GMCL1: variants seen among roughly 807,000 people sequenced by gnomAD.
GMCL1 encodes the protein germ cell-less 1, spermatogenesis associated, also known as germ cell-less protein-like 1.
GMCL1 carries 54 observed loss-of-function variants against 75.5 expected under a neutral mutation model. That is an observed-to-expected ratio of 0.71 (90% CI 0.57 to 0.90). The LOEUF (loss-of-function observed/expected upper bound fraction) is 0.90. Among genes scored for constraint, GMCL1 ranks in the 40% least tolerant of loss-of-function variants. The pLI, the probability that GMCL1 is intolerant of heterozygous loss-of-function variation, is 0.00. For synonymous variants in GMCL1, 210 were observed against 209.6 expected (o/e 1.00, Z -0.02); for missense variants, 537 against 622.7 (o/e 0.86, Z 1.47).
chr2:69,875,700 CT>C (rs201292367), intron 13 of GMCL1, among the ~76,000 whole-genome samples: 2,107 of 143,524 alleles, frequency 0.015, 133 homozygotes, highest in Admixed American at 0.11. Context: ...TTTTACATTT[CT>C]TTTTTTTTTT....
intron 1 of GMCL1, among the ~76,000 whole-genome samples, chr2:69,832,089 C>A (rs1188198732): frequency 2.0e-5 from 3 of 152,078 alleles, no homozygotes; most frequent in Non-Finnish European, 2.9e-5. Flanking sequence ...GTCGTGGTGG[C>A]AGCTGCCTGT....
At chr2:69,877,706 T>TGTG (rs1676162597) in intron 13 of GMCL1, among the ~76,000 whole-genome samples, 1 of 149,830 alleles carries the variant, frequency 6.7e-6, no homozygotes, top group African/African-American at 2.5e-5. Context: ...GATTGTGTGT[T>TGTG]TGTGTGTGTG....
At chr2:69,850,312 G>A (rs1675277118) in intron 8 of GMCL1, among the ~76,000 whole-genome samples, 1 of 152,122 alleles carries the variant, frequency 6.6e-6, no homozygotes, top group Admixed American at 6.5e-5. Flanking sequence ...CTGTGCAAAG[G>A]AGGGCATGCA....
intron 5 of GMCL1, 81 bp downstream of exon 5, chr2:69,843,342 A>G (rs1675040306): frequency 1.5e-6 from 1 of 677,212 alleles, no homozygotes; most frequent in East Asian, 2.8e-5. Flanking sequence ...ATGTATAGCT[A>G]TAAGAAAGAA....
At chr2:69,832,461 T>C (rs1324791835) in intron 1 of GMCL1, among the ~76,000 whole-genome samples, 1 of 152,118 alleles carries the variant, frequency 6.6e-6, no homozygotes, top group Non-Finnish European at 1.5e-5. Context: ...CACTACCACA[T>C]ACATACATAC....
rs1048066186 is a variant in GMCL1 at position 69,881,059 on chromosome 2, G to A, written c.*2055G>A. 2 of 152,102 alleles carry A rather than the reference G, an allele frequency of 1.3e-5. No individual in the cohort carries two copies. The highest frequency in any genetic ancestry group is 3.2e-3 in the Middle Eastern group (1 of 316). 9.4% of individuals were successfully genotyped at this position (152,102 alleles called of 1,614,324 possible). A position where few individuals can be genotyped will look rare whatever the true frequency, so the allele number is the denominator to read the frequency against. ...ATCTTGGAAGTAAAGATAATGTTTT[G>A]ATCATATTAATGAATAAAGTTAACT... On this transcript the variant is annotated 3_prime_UTR_variant, in exon 14 of 14. Coordinates refer to ENST00000282570, the MANE Select transcript of GMCL1 (RefSeq NM_178439.5).
intron 4 of GMCL1, 61 bp downstream of exon 4, chr2:69,841,100 ACTCC>A: frequency 8.8e-7 from 1 of 1,132,192 alleles, no homozygotes; most frequent in Non-Finnish European, 1.3e-6. Flanking sequence ...CAAAGTGTGT[ACTCC>A]AAAAACAAAA....
chr2:69,856,388 A>C (rs564982404), intron 9 of GMCL1, among the ~76,000 whole-genome samples: 1 of 152,326 alleles, frequency 6.6e-6, no homozygotes, highest in South Asian at 2.1e-4. Context: ...ATGTTTAATT[A>C]AAAGTTGAAT....
chr2:69,881,286 T>C lies in GMCL1; in HGVS notation c.*2282T>C, dbSNP rs1329778907. 1 of 152,230 alleles carries C rather than the reference T, an allele frequency of 6.6e-6. No homozygotes were observed. Among genetic ancestry groups the C allele is most frequent in the Admixed American group, 6.5e-5 (1 of 15,290 alleles). The allele number at this position is 152,230 out of a possible 1,614,324, so 9.4% of individuals were successfully genotyped here. On this transcript the variant is annotated 3_prime_UTR_variant, in exon 14 of 14. Transcript: ENST00000282570. ...CACTGGTAGTAAAGATGTGCTTTTG[T>C]TTTCTTACCAAATATTTTTATGTGT...
intron 9 of GMCL1, among the ~76,000 whole-genome samples, chr2:69,860,495 T>G (rs1223011881): frequency 6.6e-6 from 1 of 152,140 alleles, no homozygotes; most frequent in Non-Finnish European, 1.5e-5. Context: ...ATGTTTCATC[T>G]ACGAATTTAG....
chr2:69,835,923 A>T (rs1674807128), intron 1 of GMCL1, among the ~76,000 whole-genome samples: 1 of 152,150 alleles, frequency 6.6e-6, no homozygotes, highest in African/African-American at 2.4e-5. Context: ...TAAATTTCAG[A>T]ATGAGGATTG....
intron 5 of GMCL1, 61 bp downstream of exon 5, chr2:69,843,322 TCTTA>T: frequency 1.2e-6 from 1 of 844,086 alleles, no homozygotes; most frequent in Non-Finnish European, 2.0e-6. Context: ...TGCTTTAGTT[TCTTA>T]AGAGAATGTA....
At chr2:69,862,611 T>A (rs1005697684) in intron 10 of GMCL1, among the ~76,000 whole-genome samples, 3 of 151,850 alleles carry the variant, frequency 2.0e-5, no homozygotes, top group Non-Finnish European at 4.4e-5. Context: ...AATACAAAAT[T>A]AGCTGGGTGT....
chr2:69,845,081 A>G (rs1675097997), intron 6 of GMCL1: 1 of 155,038 alleles, frequency 6.5e-6, no homozygotes, highest in African/African-American at 2.4e-5. Context: ...ATCCTGGGCA[A>G]CATAGTGACA....
At chr2:69,877,706 T>TTGTGTGTGTGTGTG (rs10549628) in intron 13 of GMCL1, among the ~76,000 whole-genome samples, 7 of 149,830 alleles carry the variant, frequency 4.7e-5, no homozygotes, top group Admixed American at 2.7e-4. Flanking sequence ...GATTGTGTGT[T>TTGTGTGTGTGTGTG]TGTGTGTGTG....
chr2:69,840,851 TTGTG>T, intron 3 of GMCL1, 87 bp from the exon 4 acceptor site: 1 of 768,814 alleles, frequency 1.3e-6, no homozygotes, highest in African/African-American at 1.7e-5. Context: ...ACGGATGTCT[TTGTG>T]TGTGAAGACA....
chr2:69,859,310 G>A (rs1675571031), intron 9 of GMCL1, among the ~76,000 whole-genome samples: 1 of 150,940 alleles, frequency 6.6e-6, no homozygotes, highest in African/African-American at 2.4e-5. Context: ...TAATAGGTAG[G>A]GATCAGCTTT....
At position 69,837,698 on chromosome 2, in the gene GMCL1, G is replaced by A. The variant is rs1553369517; in HGVS notation, c.384+28G>A. On this transcript the variant is annotated intron_variant, in intron 2 of 13. Coordinates refer to ENST00000282570, the MANE Select transcript of GMCL1 (RefSeq NM_178439.5). ...AAGTATTTTTTCTATTTGAGTAACAGGGTAGTCACTGAAACTCTTAAGTCA... is the reference window on the plus strand; with the variant it reads ...AAGTATTTTTTCTATTTGAGTAACAAGGTAGTCACTGAAACTCTTAAGTCA... 2.5e-6 allele frequency: 4 copies of A among 1,584,930 alleles called. No homozygotes were observed. In the South Asian group the frequency reaches 4.7e-5, roughly 19 times the overall value.
intron 9 of GMCL1, among the ~76,000 whole-genome samples, chr2:69,856,847 A>T (rs1675484348): frequency 6.6e-6 from 1 of 151,758 alleles, no homozygotes. Context: ...GCATTCATTT[A>T]AGACTTAGAC....
Sources: allele counts gnomAD v4.1 joint callset (sites outside exome capture counted in the v4.1 genomes callset), GRCh38; gene constraint gnomAD v4.1.1; transcripts MANE v1.5; gene names NCBI Gene and HGNC (gene_info 2026-07-23, HGNC 2026-07-21).